Variants in ZEB1 observed in about 807,000 individuals in gnomAD.
The protein encoded by ZEB1 is zinc finger E-box-binding homeobox 1.
In ZEB1, 21 loss-of-function variants were observed where a neutral mutation model predicts 84.9. The observed-to-expected ratio is 0.25, with a 90% CI of 0.18 to 0.36. ZEB1 has a LOEUF of 0.36. Ranked by LOEUF, ZEB1 falls within the 10% of genes least tolerant of loss-of-function variation. The probability of loss-of-function intolerance (pLI) is 1.00; values close to 1 mark genes in which losing one functional copy is unlikely to be tolerated. For missense variants in ZEB1, 1,104 were observed against 1,330.2 expected, an observed-to-expected ratio of 0.83 and a Z score of 2.65; for synonymous variants, 420 against 471.1, an observed-to-expected ratio of 0.89 and a Z score of 1.41.
intron 1 of ZEB1, among the ~76,000 whole-genome samples, chr10:31,385,681 C>A (rs535132570): frequency 2.9e-4 from 44 of 152,150 alleles, no homozygotes; most frequent in African/African-American, 1.0e-3. Flanking sequence ...GCGCTTGCCA[C>A]CACATCCAAC....
intron 1 of ZEB1, among the ~76,000 whole-genome samples, chr10:31,351,714 T>C (rs2041343532): frequency 6.6e-6 from 1 of 152,202 alleles, no homozygotes; most frequent in Admixed American, 6.5e-5. Flanking sequence ...TAATAAATTA[T>C]CTGATATCCT....
intron 2 of ZEB1, among the ~76,000 whole-genome samples, chr10:31,462,775 G>C (rs374504570): frequency 1.3e-5 from 2 of 152,140 alleles, no homozygotes; most frequent in Non-Finnish European, 2.9e-5. Context: ...AATAAGTCTG[G>C]TGTAATATGG....
intron 2 of ZEB1, among the ~76,000 whole-genome samples, chr10:31,469,777 AAGAC>A (rs919451782): frequency 6.6e-6 from 1 of 152,142 alleles, no homozygotes; most frequent in African/African-American, 2.4e-5. Context: ...GACAAACAAA[AAGAC>A]AGCAGTAACC....
At chr10:31,341,863 T>C (rs1220275919) in intron 1 of ZEB1, among the ~76,000 whole-genome samples, 2 of 152,226 alleles carry the variant, frequency 1.3e-5, no homozygotes, top group South Asian at 2.1e-4. Context: ...ATCTATATCG[T>C]TGTGATTTCC....
chr10:31,321,259 T>A, intron 1 of ZEB1: 2 of 1,283,086 alleles, frequency 1.6e-6, no homozygotes, highest in Non-Finnish European at 9.9e-7. Flanking sequence ...TCAAGATGTT[T>A]CCTTCCAATC....
intron 1 of ZEB1, among the ~76,000 whole-genome samples, chr10:31,450,705 G>A (rs1309389600): frequency 2.0e-5 from 3 of 152,098 alleles, no homozygotes; most frequent in Non-Finnish European, 4.4e-5. Flanking sequence ...GTATCAGCAA[G>A]GGAATGGTGA....
chr10:31,500,838 TAA>T (rs1238440840), intron 3 of ZEB1, among the ~76,000 whole-genome samples: 1 of 152,218 alleles, frequency 6.6e-6, no homozygotes, highest in Non-Finnish European at 1.5e-5. Flanking sequence ...GCTTACATTT[TAA>T]AAGTCTTCGC....
intron 5 of ZEB1, among the ~76,000 whole-genome samples, chr10:31,514,008 G>A (rs1320003839): frequency 1.3e-5 from 2 of 152,104 alleles, no homozygotes; most frequent in African/African-American, 4.8e-5. Context: ...GTGAAAATGG[G>A]AATTTGATAA....
intron 6 of ZEB1, among the ~76,000 whole-genome samples, chr10:31,515,520 A>G (rs2070915840): frequency 6.6e-6 from 1 of 152,110 alleles, no homozygotes; most frequent in African/African-American, 2.4e-5. Context: ...CACATTGCTT[A>G]TTTTGTGAAA....
intron 1 of ZEB1, among the ~76,000 whole-genome samples, chr10:31,359,482 T>C (rs2042640152): frequency 6.6e-6 from 1 of 152,170 alleles, no homozygotes; most frequent in Non-Finnish European, 1.5e-5. Context: ...CTTTTAACTT[T>C]GAAAGGGGTA....
intron 1 of ZEB1, among the ~76,000 whole-genome samples, chr10:31,366,083 T>C (rs2044423350): frequency 6.6e-6 from 1 of 152,152 alleles, no homozygotes; most frequent in South Asian, 2.1e-4. Flanking sequence ...CTTTCCCGCT[T>C]TCAAGTCTTT....
intron 1 of ZEB1, among the ~76,000 whole-genome samples, chr10:31,341,480 G>A (rs1173871322): frequency 2.0e-5 from 3 of 152,116 alleles, no homozygotes; most frequent in Non-Finnish European, 4.4e-5. Flanking sequence ...GGAGACAAAC[G>A]GAAGTCAGTT....
At chr10:31,443,747 A>C (rs979020883) in intron 1 of ZEB1, among the ~76,000 whole-genome samples, 19 of 149,412 alleles carry the variant, frequency 1.3e-4, no homozygotes, top group African/African-American at 3.6e-4. Context: ...TGAACTCATC[A>C]TTTTTTATCG....
At chr10:31,491,742 T>C (rs1387526132) in intron 2 of ZEB1, among the ~76,000 whole-genome samples, 1 of 151,910 alleles carries the variant, frequency 6.6e-6, no homozygotes, top group African/African-American at 2.4e-5. Context: ...AGTTTGTGGA[T>C]TCTCCATATT....
chr10:31,471,674 T>A (rs1254610738), intron 2 of ZEB1, among the ~76,000 whole-genome samples: 1 of 147,166 alleles, frequency 6.8e-6, no homozygotes, highest in Non-Finnish European at 1.5e-5. Context: ...TCAACAAGGA[T>A]ACCCAGGAAT....
chr10:31,331,619 T>C (rs1478484854), intron 1 of ZEB1, among the ~76,000 whole-genome samples: 1 of 152,202 alleles, frequency 6.6e-6, no homozygotes, highest in East Asian at 1.9e-4. Flanking sequence ...GTTTGGTAAC[T>C]GATGTGATAT....
intron 1 of ZEB1, among the ~76,000 whole-genome samples, chr10:31,439,695 G>C (rs1189930315): frequency 6.6e-6 from 1 of 152,134 alleles, no homozygotes; most frequent in Admixed American, 6.6e-5. Flanking sequence ...TATTTAAATA[G>C]AGCAGTCATA....
At chr10:31,479,042 T>C (rs771647621) in intron 2 of ZEB1, among the ~76,000 whole-genome samples, 5 of 151,424 alleles carry the variant, frequency 3.3e-5, no homozygotes, top group Non-Finnish European at 7.4e-5. Flanking sequence ...AAAAAAGAAA[T>C]TTATAAGGAA....
chr10:31,453,602 AT>A (rs146405189), intron 1 of ZEB1, among the ~76,000 whole-genome samples: 2,258 of 152,290 alleles, frequency 0.015, 62 homozygotes, highest in African/African-American at 0.051. Flanking sequence ...TAAAAATAAT[AT>A]GTGAAAGTTC....
Sources: allele counts gnomAD v4.1 joint callset (sites outside exome capture counted in the v4.1 genomes callset), GRCh38; gene constraint gnomAD v4.1.1; transcripts MANE v1.5; gene names NCBI Gene and HGNC (gene_info 2026-07-23, HGNC 2026-07-21).